Variants in WDR20 observed in about 807,000 individuals in gnomAD.
The protein encoded by WDR20 is WD repeat-containing protein 20.
A neutral mutation model predicts 38.7 loss-of-function variants in WDR20; 3 were observed. That is an observed-to-expected ratio of 0.08 (90% CI 0.04 to 0.20). WDR20 has a LOEUF of 0.20. Ranked by LOEUF, WDR20 falls within the 10% of genes least tolerant of loss-of-function variation. The pLI is 1.00. For synonymous variants in WDR20, 298 were observed against 285.6 expected (o/e 1.04, Z -0.44); for missense variants, 559 against 727.7 (o/e 0.77, Z 2.67).
At chr14:102,183,126 G>A (rs1275755732) in intron 1 of WDR20, among the ~76,000 whole-genome samples, 1 of 152,066 alleles carries the variant, frequency 6.6e-6, no homozygotes, top group East Asian at 1.9e-4. Flanking sequence ...GAGGATATTC[G>A]ACATATATGA....
chr14:102,162,242 T>G (rs1167258217), intron 1 of WDR20, among the ~76,000 whole-genome samples: 2 of 152,200 alleles, frequency 1.3e-5, no homozygotes, highest in Non-Finnish European at 2.9e-5. Flanking sequence ...TACAACACAC[T>G]GGAATTGGCA....
intron 1 of WDR20, among the ~76,000 whole-genome samples, chr14:102,145,175 G>A (rs2053159742): frequency 6.6e-6 from 1 of 152,180 alleles, no homozygotes; most frequent in African/African-American, 2.4e-5. Flanking sequence ...TACTTGTTGA[G>A]TGAATGACTG....
intron 1 of WDR20, among the ~76,000 whole-genome samples, chr14:102,192,710 TTA>T (rs1238440963): frequency 1.3e-5 from 2 of 152,244 alleles, no homozygotes; most frequent in Non-Finnish European, 2.9e-5. Flanking sequence ...ATTTTTTAAT[TTA>T]TATTAGGCTA....
At chr14:102,144,757 G>A (rs2052998984) in intron 1 of WDR20, among the ~76,000 whole-genome samples, 1 of 151,434 alleles carries the variant, frequency 6.6e-6, no homozygotes, top group African/African-American at 2.4e-5. Context: ...AGGCTGGAGT[G>A]CAGTGATGTG....
Position 102,185,235 on chromosome 14 carries a change from C to T in WDR20, c.250-9703C>T, listed in dbSNP as rs555137983. ...AAGTCCTTATGTATTCAGAAGGAAA[C>T]TAATGTTTCCCGAGTGCCTTTTAAG... On this transcript the variant is annotated intron_variant, in intron 1 of 2. Coordinates refer to ENST00000342702, the MANE Select transcript of WDR20 (RefSeq NM_144574.4). Among the ~76,000 whole-genome samples, 87 of 152,254 alleles carry T rather than the reference C, an allele frequency of 5.7e-4. No individual in the cohort carries two copies. In the South Asian group the frequency reaches 6.8e-3, roughly 12 times the overall value.
At chr14:102,173,863 T>C (rs1428993409) in intron 1 of WDR20, among the ~76,000 whole-genome samples, 2 of 152,086 alleles carry the variant, frequency 1.3e-5, no homozygotes, top group Admixed American at 6.6e-5. Flanking sequence ...GCTAACATGC[T>C]GAAACCCCAT....
chr14:102,149,384 G>A (rs989597561), intron 1 of WDR20, among the ~76,000 whole-genome samples: 1 of 152,150 alleles, frequency 6.6e-6, no homozygotes, highest in Non-Finnish European at 1.5e-5. Context: ...TCTGCATGTG[G>A]CATAGCAATG....
chr14:102,140,142 G>GTCCGCGTC lies in WDR20; in HGVS notation c.220_221insCCGCGTCT (p.Tyr74SerfsTer17). ...TCTGCTTCAATGTGGGCCGGGAGCT[G>GTCCGCGTC]TACTTCTATATCTACAAGGGGGTCC... is the stretch of plus-strand genomic sequence containing the variant. On this transcript the variant is annotated frameshift_variant, in exon 1 of 3. Coordinates refer to ENST00000342702, the MANE Select transcript of WDR20 (RefSeq NM_144574.4). LOFTEE classifies it high-confidence loss of function. The GTCCGCGTC allele has an allele frequency of 6.2e-7, 1 of 1,613,794 alleles. No homozygotes were observed.
Position 102,222,940 on chromosome 14 carries a change from G to A in WDR20, c.*57G>A. Reference sequence around the variant, plus strand: ...GACTTGGACTCGAGGGAGTGACGAGGAGGAGCTCCGAGCTGCGCCTGAGCC... The same window carrying A: ...GACTTGGACTCGAGGGAGTGACGAGAAGGAGCTCCGAGCTGCGCCTGAGCC... On this transcript the variant is annotated 3_prime_UTR_variant, in exon 4 of 4. Coordinates refer to the WDR20 transcript ENST00000335263. This position sits in a 1 kb window ranked among gnomAD's most constrained non-coding sequence, Gnocchi z 4.4. The A allele has an allele frequency of 6.2e-7, 1 of 1,603,098 alleles. No homozygotes were observed. The highest frequency in any genetic ancestry group is 1.1e-5 in the South Asian group (1 of 90,576).
intron 1 of WDR20, among the ~76,000 whole-genome samples, chr14:102,160,822 C>T (rs961575735): frequency 6.7e-6 from 1 of 150,260 alleles, no homozygotes; most frequent in Non-Finnish European, 1.5e-5. Context: ...GTGGCAGGCA[C>T]CTGTATTCCC....
At chr14:102,149,985 A>C (rs1009488923) in intron 1 of WDR20, among the ~76,000 whole-genome samples, 1 of 152,076 alleles carries the variant, frequency 6.6e-6, no homozygotes, top group South Asian at 2.1e-4. Context: ...GAGCCACCGC[A>C]CCCAGACGTC....
chr14:102,188,392 C>A (rs1039624876), intron 1 of WDR20, among the ~76,000 whole-genome samples: 7 of 152,198 alleles, frequency 4.6e-5, no homozygotes, highest in Non-Finnish European at 4.4e-5. Context: ...TCTGTCCACT[C>A]AGCAGCATTC....
At chr14:102,151,352 A>G (rs1296934894) in intron 1 of WDR20, among the ~76,000 whole-genome samples, 1 of 152,076 alleles carries the variant, frequency 6.6e-6, no homozygotes, top group Admixed American at 6.6e-5. Context: ...AGAGTGGGAA[A>G]TAGTAGGCTA....
chr14:102,221,710 C>T lies in WDR20; in HGVS notation c.1693-1120C>T, dbSNP rs1432982575. 2.6e-5 allele frequency among the ~76,000 whole-genome samples: 4 copies of T among 152,168 alleles called. No homozygotes were observed. The highest frequency in any genetic ancestry group is 4.8e-5 in the African/African-American group (2 of 41,430). On this transcript the variant is annotated intron_variant, in intron 3 of 3. Transcript: ENST00000335263. The surrounding 1 kb of genome is among the most constrained non-coding windows in gnomAD (Gnocchi z 4.8). ...GCGGGACAGCTTGCTTCCAGGCTTC[C>T]GGCAGCAGGGCGTGGGCGAGGCTGA...
downstream of WDR20, among the ~76,000 whole-genome samples, chr14:102,215,507 G>T (rs1176844326): frequency 6.6e-6 from 1 of 152,108 alleles, no homozygotes; most frequent in African/African-American, 2.4e-5. Context: ...TGAACGTGCA[G>T]GTTTGTTACA....
At chr14:102,189,721 CAG>C (rs1203533649) in intron 1 of WDR20, among the ~76,000 whole-genome samples, 2 of 152,046 alleles carry the variant, frequency 1.3e-5, no homozygotes, top group Admixed American at 1.3e-4. Context: ...TAGAATCTAT[CAG>C]AAAGCTGAAA....
rs1204163324 is a variant in WDR20 at position 102,222,882 on chromosome 14, AGCGACCTCACTGCT to A, written c.*3_*16del. 18 of 1,614,200 alleles carry A rather than the reference AGCGACCTCACTGCT, an allele frequency of 1.1e-5. No homozygotes were observed. Among genetic ancestry groups the A allele is most frequent in the Non-Finnish European group, 1.5e-5 (18 of 1,180,020 alleles). On this transcript the variant is annotated stop_retained_variant and 3_prime_UTR_variant, in exon 4 of 4. Transcript: ENST00000335263. This position sits in a 1 kb window ranked among gnomAD's most constrained non-coding sequence, Gnocchi z 4.4. ...AGTTCTCCAGGTGGAACTGTAGTGT[AGCGACCTCACTGCT>A]GCGCGCACAGTCTCCCGGGACTTGG... is the stretch of plus-strand genomic sequence containing the variant.
chr14:102,146,156 G>T (rs556014831), intron 1 of WDR20, among the ~76,000 whole-genome samples: 3 of 151,666 alleles, frequency 2.0e-5, no homozygotes, highest in East Asian at 1.9e-4. Context: ...GAGTTTTTTT[G>T]TTTGTTTGTT....
intron 1 of WDR20, among the ~76,000 whole-genome samples, chr14:102,181,777 C>T (rs774900323): frequency 9.2e-5 from 14 of 151,948 alleles, no homozygotes; most frequent in Non-Finnish European, 1.0e-4. Context: ...TAGCATAGAG[C>T]ATAGCCATAG....
Sources: allele counts gnomAD v4.1 joint callset (sites outside exome capture counted in the v4.1 genomes callset), GRCh38; gene constraint gnomAD v4.1.1; non-coding constraint Gnocchi (gnomAD v3.1); transcripts MANE v1.5; gene names NCBI Gene and HGNC (gene_info 2026-07-23, HGNC 2026-07-21).